USP48: variants seen among roughly 807,000 people sequenced by gnomAD.
USP48 encodes the protein ubiquitin specific peptidase 48.
In USP48, 43 loss-of-function variants were observed where a neutral mutation model predicts 150.7. That is an observed-to-expected ratio of 0.29 (90% confidence interval 0.22 to 0.37). The LOEUF (loss-of-function observed/expected upper bound fraction) is 0.37. Among genes scored for constraint, USP48 ranks in the 10% least tolerant of loss-of-function variants. The pLI, the probability that USP48 is intolerant of heterozygous loss-of-function variation, is 1.00. For synonymous variants in USP48, 396 were observed against 425.9 expected, an observed-to-expected ratio of 0.93 and a Z score of 0.86; for missense variants, 813 against 1,249.6, an observed-to-expected ratio of 0.65 and a Z score of 5.27.
At chr1:21,766,792 C>G (rs985001896) in intron 1 of USP48, among the ~76,000 whole-genome samples, 3 of 151,976 alleles carry the variant, frequency 2.0e-5, no homozygotes, top group African/African-American at 7.3e-5. Flanking sequence ...GCCCGAGCCT[C>G]CTGAGACTCA....
intron 2 of USP48, 45 bp from the exon 3 acceptor site, chr1:21,756,747 AAAC>A (rs1350331091): frequency 1.2e-6 from 2 of 1,601,962 alleles, no homozygotes; most frequent in Non-Finnish European, 8.5e-7. Context: ...ATTTTCCTTT[AAAC>A]AACCAATTTC....
chr1:21,774,416 C>T (rs1379592904), intron 1 of USP48, among the ~76,000 whole-genome samples: 1 of 151,988 alleles, frequency 6.6e-6, no homozygotes, highest in Non-Finnish European at 1.5e-5. Context: ...GGACCGGTCG[C>T]AGTGGCTCAT....
intron 8 of USP48, among the ~76,000 whole-genome samples, chr1:21,746,444 C>T (rs1407648330): frequency 6.6e-6 from 1 of 151,374 alleles, no homozygotes; most frequent in Non-Finnish European, 1.5e-5. Context: ...AGCAAGACTC[C>T]GTCTCAAAAA....
intron 23 of USP48, among the ~76,000 whole-genome samples, chr1:21,694,590 A>AC (rs2097617781): frequency 7.1e-6 from 1 of 140,128 alleles, no homozygotes; most frequent in African/African-American, 2.6e-5. Context: ...AAAAAAAAAA[A>AC]AAAAAAAAAA....
intron 1 of USP48, among the ~76,000 whole-genome samples, chr1:21,770,989 G>C (rs1332966003): frequency 6.6e-6 from 1 of 151,948 alleles, no homozygotes; most frequent in Non-Finnish European, 1.5e-5. Flanking sequence ...AGCCAGGCAT[G>C]GTGGTGCATG....
intron 1 of USP48, among the ~76,000 whole-genome samples, chr1:21,771,812 G>A (rs1197752185): frequency 7.3e-6 from 1 of 137,494 alleles, no homozygotes; most frequent in African/African-American, 2.7e-5. Flanking sequence ...CCAGCTGTCA[G>A]GGGGATGAGA....
chr1:21,728,401 C>T (rs548280330), intron 11 of USP48, 169 bp downstream of exon 11: 1,244 of 1,391,502 alleles, frequency 8.9e-4, no homozygotes, highest in Non-Finnish European at 1.1e-3. Flanking sequence ...ATATGGAATG[C>T]TACACATCAA....
At chr1:21,743,432 G>A (rs1571939095) in intron 8 of USP48, among the ~76,000 whole-genome samples, 1 of 152,126 alleles carries the variant, frequency 6.6e-6, no homozygotes, top group East Asian at 1.9e-4. Flanking sequence ...GCAGGATCTG[G>A]GGGCATCACC....
chr1:21,761,903 G>A (rs897820662), intron 1 of USP48, among the ~76,000 whole-genome samples: 1 of 152,230 alleles, frequency 6.6e-6, no homozygotes, highest in Non-Finnish European at 1.5e-5. Flanking sequence ...GTGGGGAGAA[G>A]AAGCTAGGGT....
intron 23 of USP48, among the ~76,000 whole-genome samples, 168 bp from the exon 24 acceptor site, chr1:21,690,267 G>A (rs1451221902): frequency 6.6e-6 from 1 of 151,498 alleles, no homozygotes; most frequent in African/African-American, 2.4e-5. Context: ...TGAGGCTATC[G>A]TCCCTATATA....
chr1:21,758,185 AACACACACACACAC>A (rs149088635), intron 1 of USP48, among the ~76,000 whole-genome samples: 242 of 141,446 alleles, frequency 1.7e-3, no homozygotes, highest in African/African-American at 6.0e-3. Flanking sequence ...GCAACTGTAA[AACACACACACACAC>A]ACACACACAC....
At position 21,704,278 on chromosome 1, in the gene USP48, C is replaced by G; in HGVS notation, c.2499G>C (p.Gln833His). 1.2e-6 allele frequency: 2 copies of G among 1,612,292 alleles called. No homozygotes were observed. The highest frequency in any genetic ancestry group is 1.7e-6 in the Non-Finnish European group (2 of 1,179,452). Reference sequence around the variant, plus strand: ...AAAACTTACTGGGCTCAGAAATATACTGTGTTTCTGAAGGGTTTACATCTC... The same window carrying G: ...AAAACTTACTGGGCTCAGAAATATAGTGTGTTTCTGAAGGGTTTACATCTC... Reference protein sequence around the residue: ...EVGDVNPSETQYISEPKLCPE... With the variant: ...EVGDVNPSETHYISEPKLCPE... Residue 833 changes from glutamine to histidine, a missense_variant, in exon 20 of 27, where the codon CAG (glutamine) becomes CAC (histidine). Gln to His is a conservative substitution (Grantham distance 24, BLOSUM62 0). Transcript: ENST00000308271.
intron 4 of USP48, 32 bp from the exon 5 acceptor site, chr1:21,752,683 A>G (rs762438635): frequency 1.5e-5 from 24 of 1,567,092 alleles, no homozygotes; most frequent in South Asian, 8.3e-5. Context: ...AAGAAAAATC[A>G]TATCTTGCTT....
intron 9 of USP48, among the ~76,000 whole-genome samples, chr1:21,735,172 T>TC (rs1459213367): frequency 9.9e-5 from 15 of 152,212 alleles, no homozygotes; most frequent in African/African-American, 3.6e-4. Flanking sequence ...CCCATGATCC[T>TC]CCCCTACCCA....
rs138975641 is a variant in USP48, at chr1:21,774,269, C to A, written c.134+8555G>T. On this transcript the variant is annotated intron_variant, in intron 1 of 26. Transcript: ENST00000308271. ...CTCCTGCTAAATGAGATTTTAGCTT[C>A]TCTTGCCACACACAAAATTTGTAAC... Among the ~76,000 whole-genome samples, 1,014 of 151,714 alleles carry A rather than the reference C, an allele frequency of 6.7e-3. 4 individuals carry two copies. The highest frequency in any genetic ancestry group is 0.01 in the Non-Finnish European group (694 of 67,950).
intron 1 of USP48, among the ~76,000 whole-genome samples, chr1:21,781,281 A>T (rs1009189504): frequency 8.0e-5 from 12 of 150,398 alleles, no homozygotes; most frequent in Non-Finnish European, 1.5e-4. Flanking sequence ...TAAAAATAAT[A>T]AAAAAAAATT....
chr1:21,722,636 G>A (rs10917038), intron 12 of USP48, among the ~76,000 whole-genome samples: 2,599 of 151,926 alleles, frequency 0.017, 69 homozygotes, highest in African/African-American at 0.059. Context: ...CTTGAGCCTA[G>A]GAGTTCAAGA....
intron 1 of USP48, among the ~76,000 whole-genome samples, chr1:21,773,254 C>CAAAAAA (rs60704662): frequency 1.1e-4 from 7 of 66,140 alleles, no homozygotes; most frequent in African/African-American, 1.7e-4. Flanking sequence ...GACTCGGTCT[C>CAAAAAA]AAAAAAAAAA....
intron 1 of USP48, among the ~76,000 whole-genome samples, chr1:21,776,924 G>C (rs1479814977): frequency 6.6e-6 from 1 of 151,170 alleles, no homozygotes; most frequent in Non-Finnish European, 1.5e-5. Flanking sequence ...TCCAGCCTGG[G>C]CAACAAGAGT....
Sources: allele counts gnomAD v4.1 joint callset (sites outside exome capture counted in the v4.1 genomes callset), GRCh38; gene constraint gnomAD v4.1.1; transcripts MANE v1.5; gene names NCBI Gene and HGNC (gene_info 2026-07-23, HGNC 2026-07-21).